The following TAP2 variants were observed in gnomAD, a reference collection of about 807,000 sequenced individuals.
TAP2 encodes transporter 2, ATP binding cassette subfamily B member.
A neutral mutation model predicts 74.7 loss-of-function variants in TAP2; 49 were observed. That is an observed-to-expected ratio of 0.66 (90% CI 0.52 to 0.83). The LOEUF is 0.83. Ranked by LOEUF, TAP2 falls within the 40% of genes least tolerant of loss-of-function variation. The pLI, the probability that TAP2 is intolerant of heterozygous loss-of-function variation, is 0.00. For synonymous variants in TAP2, 306 were observed against 368.4 expected (o/e 0.83, Z 1.94); for missense variants, 739 against 859.0 (o/e 0.86, Z 1.75).
downstream of TAP2, among the ~76,000 whole-genome samples, chr6:32,822,920 T>A (rs1454214068): frequency 1.1e-5 from 1 of 93,908 alleles, no homozygotes; most frequent in South Asian, 3.9e-4. Flanking sequence ...GTTCATACTT[T>A]TTTTTTTTTT....
chr6:32,829,477 G>C lies in TAP2; in HGVS notation c.1855C>G (p.Arg619Gly). The change falls in exon 11 of 12, where the codon CGG becomes GGG. Residue 619 changes from arginine to glycine, a missense_variant. Arg to Gly is a moderately radical substitution (Grantham distance 125, BLOSUM62 -2). Coordinates refer to ENST00000374897, the MANE Select transcript of TAP2 (RefSeq NM_001290043.2). ...AGQKQRLAIA[R>G]ALVRDPRVLI... is the part of the protein sequence containing the mutation. ...ACCCGCGGGTCTCGTACAAGGGCCC[G>C]GGCAATGGCCAGACGTTGTTTCTGT... 1 of 1,613,998 alleles carries C rather than the reference G, an allele frequency of 6.2e-7. No individual in the cohort carries two copies. Among genetic ancestry groups the C allele is most frequent in the Non-Finnish European group, 8.5e-7 (1 of 1,179,972 alleles).
chr6:32,830,227 C>A (rs747374821), intron 9 of TAP2, 40 bp downstream of exon 9: 1 of 1,612,856 alleles, frequency 6.2e-7, no homozygotes, highest in Non-Finnish European at 8.5e-7. Flanking sequence ...TCTGTACATG[C>A]TCCCCTCTCC....
chr6:32,830,983 G>C (rs1343776947), intron 7 of TAP2, among the ~76,000 whole-genome samples, 177 bp from the exon 8 acceptor site: 1 of 152,132 alleles, frequency 6.6e-6, no homozygotes, highest in African/African-American at 2.4e-5. Flanking sequence ...CAATACCCCA[G>C]TGTTCCAATT....
In TAP2 at chr6:32,832,513, CCT is replaced by C. The variant is rs1183360397; in HGVS notation, c.1144-54_1144-53del. ...GCTGGGAATCTTCCCATTCTTTCCC[CCT>C]CTCTGCCTCTATGAGACTGAGCTGC... On this transcript the variant is annotated intron_variant, in intron 6 of 11. Transcript: ENST00000374897. This position sits in a 1 kb window ranked among gnomAD's most constrained non-coding sequence, Gnocchi z 5.9. 1.2e-6 allele frequency: 2 copies of C among 1,610,486 alleles called. No homozygotes were observed. Among genetic ancestry groups the C allele is most frequent in the Non-Finnish European group, 1.7e-6 (2 of 1,178,898 alleles).
At chr6:32,831,811 C>T (rs1422405232) in intron 7 of TAP2, among the ~76,000 whole-genome samples, 1 of 152,198 alleles carries the variant, frequency 6.6e-6, no homozygotes, top group African/African-American at 2.4e-5. Flanking sequence ...ATCAACCAGT[C>T]ACAATATGTG....
intron 10 of TAP2, 111 bp downstream of exon 10, chr6:32,829,819 G>T: frequency 7.1e-7 from 1 of 1,414,894 alleles, no homozygotes; most frequent in South Asian, 1.2e-5. Flanking sequence ...TGGAGGAAAG[G>T]GCAGAGGAAC....
At chr6:32,829,823 G>T in intron 10 of TAP2, 107 bp downstream of exon 10, 1 of 1,447,142 alleles carries the variant, frequency 6.9e-7, no homozygotes, top group Non-Finnish European at 9.7e-7. Context: ...GGAAAGGGCA[G>T]AGGAACAGCA....
chr6:32,828,158 T>C lies in TAP2; in HGVS notation c.*748A>G, dbSNP rs187523532. On this transcript the variant is annotated 3_prime_UTR_variant, in exon 12 of 12. Coordinates refer to ENST00000374897, the MANE Select transcript of TAP2 (RefSeq NM_001290043.2). The stretch of plus-strand genomic sequence containing the variant: ...AGCTTCAGTTTCCTCATCTGTAAAA[T>C]GGGGATAATAACCAACCTCATAGGG... 3.7e-6 allele frequency: 3 copies of C among 818,518 alleles called. No homozygotes were observed. Among genetic ancestry groups the C allele is most frequent in the East Asian group, 1.3e-4 (1 of 7,940 alleles). The allele number at this position is 818,518 out of a possible 1,614,324, so 50.7% of individuals were successfully genotyped here. A position where few individuals can be genotyped will look rare whatever the true frequency, so the allele number is the denominator to read the frequency against.
Position 32,832,758 on chromosome 6 carries a change from C to T in TAP2, c.1012G>A (p.Gly338Arg), listed in dbSNP as rs1769174417. Residue 338 changes from glycine to arginine, a missense_variant, in exon 6 of 12, where the codon GGG becomes AGG. Gly to Arg is a moderately radical substitution (Grantham distance 125). Coordinates refer to ENST00000374897, the MANE Select transcript of TAP2 (RefSeq NM_001290043.2). This position sits in a 1 kb window ranked among gnomAD's most constrained non-coding sequence, Gnocchi z 5.9. The part of the protein sequence containing the change: ...AGQVVREAVG[G>R]LQTVRSFGAE... ...CCAAAACTGCGAACGGTCTGCAGCC[C>T]TCCAACGGCTTCCCGCACCACCTGC... 5.0e-6 allele frequency: 8 copies of T among 1,613,118 alleles called. No individual in the cohort carries two copies. The highest frequency in any genetic ancestry group is 6.8e-6 in the Non-Finnish European group (8 of 1,180,046).
chr6:32,826,979 T>C lies in TAP2; in HGVS notation c.*1927A>G. ...AGTTCTTTCTCTCCAAATGCCTATT[T>C]TACCCTCTGTGAAATTTGAGAGATG... On this transcript the variant is annotated 3_prime_UTR_variant, in exon 12 of 12. Transcript: ENST00000374897. 14 of 985,390 alleles carry C rather than the reference T, an allele frequency of 1.4e-5. No individual in the cohort carries two copies. Among genetic ancestry groups the C allele is most frequent in the Non-Finnish European group, 1.6e-5 (13 of 829,924 alleles). 61.0% of individuals were successfully genotyped at this position (985,390 alleles called of 1,614,324 possible).
At chr6:32,829,857 C>A (rs1454995376) in intron 10 of TAP2, 73 bp downstream of exon 10, 3 of 1,594,474 alleles carry the variant, frequency 1.9e-6, no homozygotes, top group East Asian at 2.2e-5. Flanking sequence ...AGGGACACGA[C>A]CTTCACCACT....
In TAP2 at chr6:32,830,640, C is replaced by G. The variant is rs770778501; in HGVS notation, c.1439G>C (p.Arg480Pro). 1.2e-6 allele frequency: 2 copies of G among 1,613,090 alleles called. No individual in the cohort carries two copies. The highest frequency in any genetic ancestry group is 1.7e-6 in the Non-Finnish European group (2 of 1,180,050). ...FQDVSFAYPN[R>P]PDRPVLKGLT... ...CACCTTGAGCACAGGCCTGTCAGGG[C>G]GATTGGGATATGCAAAGGAGACGTC... is the stretch of plus-strand genomic sequence containing the variant. Residue 480 changes from arginine (R) to proline (P), a missense_variant, in exon 8 of 12, where the codon CGC (arginine) becomes CCC (proline). Coordinates refer to ENST00000374897, the MANE Select transcript of TAP2 (RefSeq NM_001290043.2).
chr6:32,838,290 C>G, intron 1 of TAP2, 53 bp from the exon 2 acceptor site: 1 of 1,502,324 alleles, frequency 6.7e-7, no homozygotes, highest in Non-Finnish European at 8.8e-7. Context: ...CAATCCTTGT[C>G]CCTGCCCTCC....
At position 32,837,318 on chromosome 6, in the gene TAP2, C is replaced by T. The variant is rs55781304; in HGVS notation, c.608+219G>A. ...GTACTACCTTCACTCATAACTTGTTCCTATAATAAGATCAGATAAACTTTG... is the reference window on the plus strand; with the variant it reads ...GTACTACCTTCACTCATAACTTGTTTCTATAATAAGATCAGATAAACTTTG... On this transcript the variant is annotated intron_variant, in intron 3 of 11. Transcript: ENST00000374897. Among the ~76,000 whole-genome samples the T allele has an allele frequency of 2.3e-3, 351 of 152,130 alleles. 2 individuals are homozygous for T. The highest frequency in any genetic ancestry group is 3.9e-3 in the Non-Finnish European group (265 of 67,990).
In TAP2 at chr6:32,835,608, C is replaced by A. The variant is rs1323986952; in HGVS notation, c.739+35G>T. 5.6e-6 allele frequency: 9 copies of A among 1,612,946 alleles called. No homozygotes were observed. Among genetic ancestry groups the A allele is most frequent in the Non-Finnish European group, 7.6e-6 (9 of 1,179,968 alleles). On this transcript the variant is annotated intron_variant, in intron 4 of 11. Transcript: ENST00000374897. The surrounding 1 kb of genome is among the most constrained non-coding windows in gnomAD (Gnocchi z 4.0). The stretch of plus-strand genomic sequence containing the variant: ...AAGGTCACTGAGGGGCAAGGGATGT[C>A]CATGGGAATCTCAGACCTGGACTCC...
Position 32,830,652 on chromosome 6 carries a change from G to A in TAP2, c.1427C>T (p.Ala476Val). 1 of 1,613,120 alleles carries A rather than the reference G, an allele frequency of 6.2e-7. No homozygotes were observed. The highest frequency in any genetic ancestry group is 8.5e-7 in the Non-Finnish European group (1 of 1,180,036). The change falls in exon 8 of 12, where the codon GCA (alanine) becomes GTA (valine). Residue 476 changes from alanine to valine, a missense_variant. Physicochemically the swap from Ala to Val is moderately conservative, Grantham distance 64. Transcript: ENST00000374897. ...AGGCCTGTCAGGGCGATTGGGATATGCAAAGGAGACGTCTTGGAATTTCAC... is the reference window on the plus strand; with the variant it reads ...AGGCCTGTCAGGGCGATTGGGATATACAAAGGAGACGTCTTGGAATTTCAC... Reference protein sequence around the residue: ...GVVKFQDVSFAYPNRPDRPVL... With the variant: ...GVVKFQDVSFVYPNRPDRPVL...
Position 32,826,193 on chromosome 6 carries a change from C to T in TAP2, c.*2713G>A, listed in dbSNP as rs6925336. ...GCATTTCCTGCTTGTTTCACAATTG[C>T]CATGTGGATTACAAGTGGCTATCCC... On this transcript the variant is annotated 3_prime_UTR_variant, in exon 12 of 12. Transcript: ENST00000374897. The T allele has an allele frequency of 0.029, 28,774 of 985,352 alleles. 1,118 individuals carry two copies. Among genetic ancestry groups the T allele is most frequent in the African/African-American group, 0.18 (10,238 of 57,294 alleles). 61.0% of individuals were successfully genotyped at this position (985,352 alleles called of 1,614,324 possible).
rs536434259 is a variant in TAP2 at position 32,836,704 on chromosome 6, G to A, written c.608+833C>T. 3.9e-5 allele frequency among the ~76,000 whole-genome samples: 6 copies of A among 152,264 alleles called. No homozygotes were observed. The East Asian group carries it at 1.2e-3, about 29-fold the overall frequency. On this transcript the variant is annotated intron_variant, in intron 3 of 11. Transcript: ENST00000374897. ...TATTTGTGTATCTAAACATAGAAAA[G>A]GTACAGTAAAAATATGGTATTATAA...
rs1223686209 is a variant in TAP2 at position 32,832,888 on chromosome 6, C to T, written c.946-64G>A. On this transcript the variant is annotated intron_variant, in intron 5 of 11. Coordinates refer to ENST00000374897, the MANE Select transcript of TAP2 (RefSeq NM_001290043.2). The surrounding 1 kb of genome is among the most constrained non-coding windows in gnomAD (Gnocchi z 5.9). Reference sequence around the variant, plus strand: ...AAAGACAGCAGGCCCCCACATCTTACTCCAGCCAGTGAGATGCTCCCTAGT... The same window carrying T: ...AAAGACAGCAGGCCCCCACATCTTATTCCAGCCAGTGAGATGCTCCCTAGT... 2 of 1,573,648 alleles carry T rather than the reference C, an allele frequency of 1.3e-6. No individual in the cohort carries two copies. The highest frequency in any genetic ancestry group is 1.7e-6 in the Non-Finnish European group (2 of 1,153,310).
Sources: allele counts gnomAD v4.1 joint callset (sites outside exome capture counted in the v4.1 genomes callset), GRCh38; gene constraint gnomAD v4.1.1; non-coding constraint Gnocchi (gnomAD v3.1); transcripts MANE v1.5; gene names NCBI Gene and HGNC (gene_info 2026-07-23, HGNC 2026-07-21).